The following DSCAM variants were observed in gnomAD, a reference collection of about 807,000 sequenced individuals.
DSCAM encodes the protein DS cell adhesion molecule.
DSCAM carries 47 observed loss-of-function variants against 217.7 expected under a neutral mutation model. The observed-to-expected ratio is 0.22, with a 90% confidence interval of 0.17 to 0.28. The LOEUF is 0.28. Among genes scored for constraint, DSCAM ranks in the 10% least tolerant of loss-of-function variants. The pLI, the probability that DSCAM is intolerant of heterozygous loss-of-function variation, is 1.00. For missense variants in DSCAM, 2,080 were observed against 2,618.3 expected, an observed-to-expected ratio of 0.79 and a Z score of 4.49; for synonymous variants, 1,056 against 1,015.3, an observed-to-expected ratio of 1.04 and a Z score of -0.76.
At chr21:40,601,222 T>A (rs977888833) in intron 3 of DSCAM, among the ~76,000 whole-genome samples, 7 of 152,218 alleles carry the variant, frequency 4.6e-5, no homozygotes, top group Admixed American at 2.6e-4. Context: ...TTTCTTCATG[T>A]AAATACTGTC....
intron 3 of DSCAM, among the ~76,000 whole-genome samples, chr21:40,653,757 T>C (rs1027295234): frequency 2.6e-5 from 4 of 152,204 alleles, no homozygotes; most frequent in Admixed American, 2.0e-4. Flanking sequence ...AGTTGAACTA[T>C]ACAAAAATAC....
At chr21:40,430,583 CTA>C (rs773816582) in intron 3 of DSCAM, among the ~76,000 whole-genome samples, 9 of 152,176 alleles carry the variant, frequency 5.9e-5, no homozygotes, top group Non-Finnish European at 1.0e-4. Context: ...TTGTGAGATC[CTA>C]TGATTGTGTA....
chr21:40,361,897 C>G (rs984952312), intron 4 of DSCAM, among the ~76,000 whole-genome samples: 1 of 152,182 alleles, frequency 6.6e-6, no homozygotes. Flanking sequence ...TAATGCAGAG[C>G]TAGCCCTCCT....
intron 3 of DSCAM, among the ~76,000 whole-genome samples, chr21:40,554,706 G>C (rs557313371): frequency 1.3e-5 from 2 of 152,020 alleles, no homozygotes; most frequent in African/African-American, 2.4e-5. Context: ...CCTATTTTTA[G>C]GTATTCTTAG....
Position 40,042,359 on chromosome 21 carries a change from T to G in DSCAM, c.5686+12A>C, listed in dbSNP as rs941564936. Reference sequence around the variant, plus strand: ...CCTAAGCGACGGCCCCCAGGTGGCCTTGCTCACCTACCTGGCCGATGTGCC... The same window carrying G: ...CCTAAGCGACGGCCCCCAGGTGGCCGTGCTCACCTACCTGGCCGATGTGCC... On this transcript the variant is annotated intron_variant, in intron 32 of 32. Coordinates refer to ENST00000400454, the MANE Select transcript of DSCAM (RefSeq NM_001389.5). 1 of 1,611,196 alleles carries G rather than the reference T, an allele frequency of 6.2e-7. No homozygotes were observed. Among genetic ancestry groups the G allele is most frequent in the Non-Finnish European group, 8.5e-7 (1 of 1,178,272 alleles).
intron 8 of DSCAM, among the ~76,000 whole-genome samples, chr21:40,314,970 G>GA (rs1254801329): frequency 6.6e-6 from 1 of 152,180 alleles, no homozygotes; most frequent in East Asian, 1.9e-4. Flanking sequence ...TTAAGATGAG[G>GA]AAAAAACAGG....
At chr21:40,039,979 A>C (rs2088714709) in intron 32 of DSCAM, among the ~76,000 whole-genome samples, 1 of 152,236 alleles carries the variant, frequency 6.6e-6, no homozygotes, top group African/African-American at 2.4e-5. Flanking sequence ...GTGATGTAAA[A>C]GCACAGCTCT....
At chr21:40,558,193 A>C (rs2076687513) in intron 3 of DSCAM, among the ~76,000 whole-genome samples, 1 of 152,168 alleles carries the variant, frequency 6.6e-6, no homozygotes. Flanking sequence ...ATCAGTTGTC[A>C]TTAAAATGAT....
At chr21:40,397,551 T>C (rs931269558) in intron 3 of DSCAM, among the ~76,000 whole-genome samples, 1 of 152,104 alleles carries the variant, frequency 6.6e-6, no homozygotes, top group African/African-American at 2.4e-5. Flanking sequence ...TTAAACCTCT[T>C]TTCTTTCTAA....
At chr21:40,081,925 T>C (rs923137431) in intron 24 of DSCAM, among the ~76,000 whole-genome samples, 3 of 152,192 alleles carry the variant, frequency 2.0e-5, no homozygotes, top group African/African-American at 7.2e-5. Flanking sequence ...ACCTCTCCCA[T>C]GCTCTCACAC....
In DSCAM at chr21:40,312,171, T is replaced by A; in HGVS notation, c.1972A>T (p.Asn658Tyr). 6.2e-7 allele frequency: 1 copy of A among 1,614,076 alleles called. No homozygotes were observed. Among genetic ancestry groups the A allele is most frequent in the Non-Finnish European group, 8.5e-7 (1 of 1,179,994 alleles). Residue 658 changes from asparagine (N) to tyrosine (Y), a missense_variant, in exon 9 of 33, where the codon AAT becomes TAT. Transcript: ENST00000400454. ...IDFTSSLRISNLSLMHNGNYT... is the reference protein window; with the variant it reads ...IDFTSSLRISYLSLMHNGNYT... ...TTCCCATTGTGCATGAGCGAGAGAT[T>A]GGAAATCCTCAAGGAGCTCGTGAAG...
At chr21:40,197,040 A>G (rs747859337) in intron 11 of DSCAM, among the ~76,000 whole-genome samples, 2 of 152,364 alleles carry the variant, frequency 1.3e-5, no homozygotes, top group East Asian at 3.9e-4. Flanking sequence ...GGGCAAAAAT[A>G]AAGATTAGAA....
Position 40,369,023 on chromosome 21 carries a change from A to C in DSCAM, c.655+76T>G. 7 of 1,420,168 alleles carry C rather than the reference A, an allele frequency of 4.9e-6. No individual in the cohort carries two copies. In the South Asian group the frequency reaches 1.3e-4, roughly 27 times the overall value. The allele number at this position is 1,420,168 out of a possible 1,614,324, so 88.0% of individuals were successfully genotyped here. ...CTCCATTTTAGTGGCAACACTCCAC[A>C]ATTTTGATTGAGTCGTCTCAGGACA... On this transcript the variant is annotated intron_variant, in intron 4 of 32. Transcript: ENST00000400454.
At chr21:40,032,927 A>G (rs1471479161) in intron 32 of DSCAM, among the ~76,000 whole-genome samples, 1 of 152,234 alleles carries the variant, frequency 6.6e-6, no homozygotes, top group Non-Finnish European at 1.5e-5. Flanking sequence ...CAAATTTGGG[A>G]AAGCATCGGC....
chr21:40,609,236 T>A (rs911530412), intron 3 of DSCAM, among the ~76,000 whole-genome samples: 6 of 152,222 alleles, frequency 3.9e-5, no homozygotes, highest in Non-Finnish European at 8.8e-5. Context: ...ACTACAGGCA[T>A]GAGCCACCGC....
intron 10 of DSCAM, among the ~76,000 whole-genome samples, chr21:40,284,790 T>A (rs1312289222): frequency 6.6e-6 from 1 of 152,212 alleles, no homozygotes; most frequent in Non-Finnish European, 1.5e-5. Context: ...CCCTTCTTGA[T>A]AACACACCAC....
intron 1 of DSCAM, among the ~76,000 whole-genome samples, chr21:40,768,753 G>A (rs1001074856): frequency 1.3e-5 from 2 of 152,178 alleles, no homozygotes; most frequent in Admixed American, 6.6e-5. Context: ...GCTTCCCAAA[G>A]CTTGCGTTGA....
chr21:40,081,144 A>C (rs2089450232), intron 24 of DSCAM, among the ~76,000 whole-genome samples: 1 of 152,190 alleles, frequency 6.6e-6, no homozygotes, highest in South Asian at 2.1e-4. Context: ...CCTGAAGCCC[A>C]TGTTCTTCAC....
At chr21:40,182,649 G>GC (rs2090829056) in intron 14 of DSCAM, among the ~76,000 whole-genome samples, 2 of 126,550 alleles carry the variant, frequency 1.6e-5, no homozygotes, top group Admixed American at 7.7e-5. Context: ...ACAGGAGGGG[G>GC]TTACCAGAGA....
Sources: gnomAD v4.1 joint callset for allele counts (sites outside exome capture counted in the v4.1 genomes callset) on GRCh38, gnomAD v4.1.1 for gene constraint, MANE v1.5 for transcripts, NCBI Gene and HGNC (gene_info 2026-07-23, HGNC 2026-07-21) for gene names.